Variants in MYH9 observed in about 807,000 individuals in gnomAD.
MYH9 encodes the protein myosin heavy chain 9.
In MYH9, 29 loss-of-function variants were observed where a neutral mutation model predicts 241.9. The observed-to-expected ratio is 0.12, with a 90% CI of 0.09 to 0.16. MYH9 has a LOEUF of 0.16. Ranked by LOEUF, MYH9 falls within the 10% of genes least tolerant of loss-of-function variation. The pLI, the probability that MYH9 is intolerant of heterozygous loss-of-function variation, is 1.00. For missense variants in MYH9, 1,803 were observed against 2,595.5 expected, an observed-to-expected ratio of 0.69 and a Z score of 6.63; for synonymous variants, 1,047 against 1,062.6, an observed-to-expected ratio of 0.99 and a Z score of 0.29.
At chr22:36,286,636 C>A (rs1439931466) in intron 35 of MYH9, 82 bp downstream of exon 35, 2 of 1,591,558 alleles carry the variant, frequency 1.3e-6, no homozygotes, top group African/African-American at 1.3e-5. Context: ...AGGACTCCAG[C>A]CCTGTCCTCA....
rs2017401798 is a variant in MYH9 at position 36,330,289 on chromosome 22, G to T, written c.491-2801C>A. 6.6e-6 allele frequency among the ~76,000 whole-genome samples: 1 copy of T among 152,212 alleles called. No homozygotes were observed. Among genetic ancestry groups the T allele is most frequent in the Non-Finnish European group, 1.5e-5 (1 of 68,040 alleles). ...TTTCTGAAAGGCAAACTGCTGGGAG[G>T]CCTCCTCATTGCATCTCTTACCGCA... On this transcript the variant is annotated intron_variant, in intron 3 of 40. Transcript: ENST00000216181. The surrounding 1 kb of genome is among the most constrained non-coding windows in gnomAD (Gnocchi z 4.5).
intron 13 of MYH9, among the ~76,000 whole-genome samples, chr22:36,312,943 T>C (rs958699007): frequency 9.3e-5 from 14 of 150,110 alleles, no homozygotes; most frequent in Admixed American, 8.7e-4. Flanking sequence ...ACTCCGTCTC[T>C]ACTAATAATA....
intron 31 of MYH9, among the ~76,000 whole-genome samples, chr22:36,289,660 C>T (rs189084645): frequency 1.3e-5 from 2 of 152,300 alleles, no homozygotes; most frequent in African/African-American, 2.4e-5. Flanking sequence ...GCACTTTTCA[C>T]GAAGTGAATG....
rs2146336379 is a variant in MYH9, at chr22:36,293,192, G to A, written c.4095+137C>T. The A allele has an allele frequency of 2.9e-6, 3 of 1,041,348 alleles. No homozygotes were observed. In the East Asian group the frequency reaches 7.7e-5, roughly 27 times the overall value. The allele number at this position is 1,041,348 out of a possible 1,614,324, so 64.5% of individuals were successfully genotyped here. On this transcript the variant is annotated intron_variant, in intron 30 of 40. Transcript: ENST00000216181. The surrounding 1 kb of genome is among the most constrained non-coding windows in gnomAD (Gnocchi z 5.1). ...TTTCCTTGAGAGCACTGATGTGGGA[G>A]AGCACGGTTGGCTTCCCAGGGGGAG...
At chr22:36,326,721 CCTTCCCACTGCA>C in intron 4 of MYH9, 60 bp from the exon 5 acceptor site, 1 of 1,397,552 alleles carries the variant, frequency 7.2e-7, no homozygotes, top group Non-Finnish European at 1.0e-6. Context: ...GACCTCTGTC[CCTTCCCACTGCA>C]CGCTCCACTG....
chr22:36,310,184 C>T (rs1221778779), intron 14 of MYH9, among the ~76,000 whole-genome samples: 2 of 151,470 alleles, frequency 1.3e-5, no homozygotes, highest in Admixed American at 6.6e-5. Flanking sequence ...GCAGGAGGAT[C>T]GCTTGAACCT....
chr22:36,370,275 G>T (rs778746621), intron 1 of MYH9, among the ~76,000 whole-genome samples: 7 of 152,116 alleles, frequency 4.6e-5, no homozygotes, highest in African/African-American at 1.2e-4. Context: ...CCAGACACAC[G>T]CCCATCATGC....
chr22:36,297,255 T>C, intron 24 of MYH9: 1 of 566,854 alleles, frequency 1.8e-6, no homozygotes, highest in Non-Finnish European at 3.2e-6. Flanking sequence ...AATTAAGTAC[T>C]CTCCTAAAGC....
intron 25 of MYH9, 138 bp downstream of exon 25, chr22:36,296,705 C>T (rs2016793158): frequency 2.0e-6 from 2 of 1,002,758 alleles, no homozygotes; most frequent in Non-Finnish European, 2.8e-6. Flanking sequence ...AACTGTTTTG[C>T]TATGAAATAA....
intron 34 of MYH9, among the ~76,000 whole-genome samples, chr22:36,287,702 A>T (rs2016610642): frequency 6.6e-6 from 1 of 152,250 alleles, no homozygotes; most frequent in Admixed American, 6.5e-5. Flanking sequence ...AGATCATGCC[A>T]CTGCACTCCA....
Position 36,282,107 on chromosome 22 carries a change from G to C in MYH9, c.*561C>G. On this transcript the variant is annotated 3_prime_UTR_variant, in exon 41 of 41. Transcript: ENST00000216181. Reference sequence around the variant, plus strand: ...CCCAGCCTTCTGTGCCCTGCACAGAGGTGGAGGCCCAGGGCCTGCTCCTTC... The same window carrying C: ...CCCAGCCTTCTGTGCCCTGCACAGACGTGGAGGCCCAGGGCCTGCTCCTTC... 1 of 252,462 alleles carries C rather than the reference G, an allele frequency of 4.0e-6. No individual in the cohort carries two copies. The highest frequency in any genetic ancestry group is 7.8e-6 in the Non-Finnish European group (1 of 127,988). 15.6% of individuals were successfully genotyped at this position (252,462 alleles called of 1,614,324 possible). A position where few individuals can be genotyped will look rare whatever the true frequency, so the allele number is the denominator to read the frequency against.
chr22:36,306,666 A>C lies in MYH9; in HGVS notation c.1844-59T>G, dbSNP rs2016976198. The C allele has an allele frequency of 6.6e-7, 1 of 1,507,720 alleles. No individual in the cohort carries two copies. The highest frequency in any genetic ancestry group is 1.4e-5 in the African/African-American group (1 of 72,682). The allele number at this position is 1,507,720 out of a possible 1,614,324, so 93.4% of individuals were successfully genotyped here. ...CACAGTTGCAGCTGGGTGGTGGGGG[A>C]GCACGTAGGAGAGAGAGACAGGCAC... On this transcript the variant is annotated intron_variant, in intron 15 of 40. Coordinates refer to ENST00000216181, the MANE Select transcript of MYH9 (RefSeq NM_002473.6). The surrounding 1 kb of genome is among the most constrained non-coding windows in gnomAD (Gnocchi z 4.1).
chr22:36,311,506 C>A (rs1368917207), intron 14 of MYH9, among the ~76,000 whole-genome samples: 1 of 152,164 alleles, frequency 6.6e-6, no homozygotes, highest in Admixed American at 6.5e-5. Flanking sequence ...GAGGGTCCCA[C>A]AACAAAGAAT....
At position 36,294,267 on chromosome 22, in the gene MYH9, G is replaced by A; in HGVS notation, c.3662C>T (p.Thr1221Ile). 1 of 1,614,104 alleles carries A rather than the reference G, an allele frequency of 6.2e-7. No individual in the cohort carries two copies. Among genetic ancestry groups the A allele is most frequent in the African/African-American group, 1.3e-5 (1 of 75,056 alleles). ...CAGCTCCCCCCGCTCGTTCTCCAGA[G>A]TCTGCTTTGCCTTCTCGAGGTTTGC... ...VKANLEKAKQ[T>I]LENERGELAN... Residue 1221 changes from threonine (T) to isoleucine (I), a missense_variant, in exon 28 of 41, where the codon ACT (threonine) becomes ATT (isoleucine). Physicochemically the swap from Thr to Ile is moderately conservative, Grantham distance 89. Around this residue, in one of 11 missense-constraint regions of MYH9, gnomAD observed 876 missense variants for 1,077.8 expected, o/e 0.81. Coordinates refer to ENST00000216181, the MANE Select transcript of MYH9 (RefSeq NM_002473.6).
chr22:36,345,875 G>A (rs1334334746), intron 2 of MYH9, among the ~76,000 whole-genome samples: 3 of 152,188 alleles, frequency 2.0e-5, no homozygotes, highest in Non-Finnish European at 4.4e-5. Flanking sequence ...GGGGCCGGGC[G>A]TGGTGGCTCA....
Position 36,341,518 on chromosome 22 carries a change from T to C in MYH9, c.342A>G (p.Ser114=). 1.2e-6 allele frequency: 2 copies of C among 1,614,052 alleles called. No individual in the cohort carries two copies. The highest frequency in any genetic ancestry group is 2.2e-5 in the East Asian group (1 of 44,884). The change falls in exon 3 of 41, where the codon TCA becomes TCG. Residue 114 remains serine, a synonymous_variant. Transcript: ENST00000216181. ...RYYSGLIYTY[S]GLFCVVINPY... ...GATTGATGACCACACAGAACAGGCC[T>C]GAATAGGTCTAAAGAAAAGAGCGGC...
chr22:36,330,345 T>G lies in MYH9; in HGVS notation c.491-2857A>C, dbSNP rs1316397289. 6.6e-6 allele frequency among the ~76,000 whole-genome samples: 1 copy of G among 152,240 alleles called. No individual in the cohort carries two copies. The highest frequency in any genetic ancestry group is 1.5e-5 in the Non-Finnish European group (1 of 68,030). On this transcript the variant is annotated intron_variant, in intron 3 of 40. Coordinates refer to ENST00000216181, the MANE Select transcript of MYH9 (RefSeq NM_002473.6). The surrounding 1 kb of genome is among the most constrained non-coding windows in gnomAD (Gnocchi z 4.5). Reference sequence around the variant, plus strand: ...TAGTATCCTAAATCCACCGGCCGGATGCACCACGAATCGTACCATGGCCCC... The same window carrying G: ...TAGTATCCTAAATCCACCGGCCGGAGGCACCACGAATCGTACCATGGCCCC...
chr22:36,318,365 T>A, intron 10 of MYH9, 40 bp from the exon 11 acceptor site: 1 of 1,474,354 alleles, frequency 6.8e-7, no homozygotes, highest in South Asian at 1.1e-5. Flanking sequence ...CAAAAAGTCC[T>A]AATTAGACCC....
chr22:36,326,677 AG>A lies in MYH9; in HGVS notation c.519-17del. 6.2e-7 allele frequency: 1 copy of A among 1,611,638 alleles called. No individual in the cohort carries two copies. The highest frequency in any genetic ancestry group is 1.3e-5 in the African/African-American group (1 of 75,010). Reference sequence around the variant, plus strand: ...AGATTCACCACTACCAAGAGAGGCAAGGAAGTCCCGGGCTTAGGCATGGCCA... The same window carrying A: ...AGATTCACCACTACCAAGAGAGGCAAGAAGTCCCGGGCTTAGGCATGGCCA... On this transcript the variant is annotated splice_polypyrimidine_tract_variant and intron_variant, in intron 4 of 40. Coordinates refer to ENST00000216181, the MANE Select transcript of MYH9 (RefSeq NM_002473.6).
Sources: allele counts gnomAD v4.1 joint callset (sites outside exome capture counted in the v4.1 genomes callset), GRCh38; gene constraint gnomAD v4.1.1; regional missense constraint gnomAD v4.1.1; non-coding constraint Gnocchi (gnomAD v3.1); transcripts MANE v1.5; gene names NCBI Gene and HGNC (gene_info 2026-07-23, HGNC 2026-07-21).